The following NSUN6 variants were observed in gnomAD, a reference collection of about 807,000 sequenced individuals.
The protein encoded by NSUN6 is tRNA (cytosine(72)-C(5))-methyltransferase NSUN6.
A neutral mutation model predicts 58.0 loss-of-function variants in NSUN6; 64 were observed. That is an observed-to-expected ratio of 1.10 (90% CI 0.90 to 1.36). NSUN6 has a LOEUF of 1.36. Ranked by LOEUF, NSUN6 falls within the 40% of genes most tolerant of loss-of-function variation. The pLI is 0.00. For missense variants in NSUN6, 701 were observed against 550.1 expected (o/e 1.27, Z -2.74); for synonymous variants, 231 against 193.9 (o/e 1.19, Z -1.59).
intron 6 of NSUN6, among the ~76,000 whole-genome samples, chr10:18,600,994 T>A (rs1341034656): frequency 6.5e-5 from 5 of 77,170 alleles, no homozygotes; most frequent in African/African-American, 2.1e-4. Flanking sequence ...ATATATATAT[T>A]ATATACTAGC....
rs570055216 is a variant in NSUN6, at chr10:18,566,231, C to T, written c.923-14260G>A. Among the ~76,000 whole-genome samples, 32 of 137,618 alleles carry T rather than the reference C, an allele frequency of 2.3e-4. No individual in the cohort carries two copies. In the South Asian group the frequency reaches 5.6e-3, roughly 24 times the overall value. The allele number at this position is 137,618 out of a possible 152,430, so 90.3% of individuals were successfully genotyped here. On this transcript the variant is annotated intron_variant, in intron 8 of 10. Coordinates refer to ENST00000377304, the MANE Select transcript of NSUN6 (RefSeq NM_182543.5). ...TTCCATTCTGTAATCCATTCCATTC[C>T]GCAATCCATTCCATTCCACATTCCA... is the stretch of plus-strand genomic sequence containing the variant.
intron 6 of NSUN6, among the ~76,000 whole-genome samples, chr10:18,608,812 TA>T (rs1564795222): frequency 6.6e-6 from 1 of 151,992 alleles, no homozygotes; most frequent in Non-Finnish European, 1.5e-5. Flanking sequence ...AATTACATAA[TA>T]AACAAGCACA....
At chr10:18,578,138 G>A (rs957083328) in intron 8 of NSUN6, among the ~76,000 whole-genome samples, 4 of 152,006 alleles carry the variant, frequency 2.6e-5, no homozygotes, top group African/African-American at 7.3e-5. Flanking sequence ...ATAACCAGGA[G>A]GTGCCCTGCT....
At chr10:18,628,629 G>T (rs2058914392) in intron 3 of NSUN6, among the ~76,000 whole-genome samples, 2 of 152,216 alleles carry the variant, frequency 1.3e-5, no homozygotes, top group Admixed American at 1.3e-4. Context: ...AGGAGCCAAT[G>T]TGATCAACTG....
intron 3 of NSUN6, among the ~76,000 whole-genome samples, chr10:18,619,163 G>C (rs918456580): frequency 6.6e-6 from 1 of 152,168 alleles, no homozygotes; most frequent in African/African-American, 2.4e-5. Flanking sequence ...CCAAGTGTTT[G>C]GCTTGGACTG....
chr10:18,643,894 A>G (rs1351380273), intron 2 of NSUN6, among the ~76,000 whole-genome samples: 1 of 152,244 alleles, frequency 6.6e-6, no homozygotes, highest in Non-Finnish European at 1.5e-5. Flanking sequence ...GCATGTTAAT[A>G]TATAAATAAA....
chr10:18,635,733 G>A (rs1038123936), intron 3 of NSUN6, among the ~76,000 whole-genome samples: 2 of 151,700 alleles, frequency 1.3e-5, no homozygotes, highest in Non-Finnish European at 2.9e-5. Flanking sequence ...AGCTACTCGG[G>A]AGGCTGAGGC....
rs975226063 is a variant in NSUN6, at chr10:18,651,587, C to G, written c.-384G>C. 2.0e-6 allele frequency: 2 copies of G among 990,658 alleles called. No homozygotes were observed. Among genetic ancestry groups the G allele is most frequent in the South Asian group, 4.7e-5 (1 of 21,434 alleles). The allele number at this position is 990,658 out of a possible 1,614,324, so 61.4% of individuals were successfully genotyped here. ...AGCTCGGTCCCTTTATCTTTTCTAT[C>G]AATTTCCAAACACGCGCCCCCTATT... On this transcript the variant is annotated 5_prime_UTR_variant, in exon 1 of 11. Coordinates refer to ENST00000377304, the MANE Select transcript of NSUN6 (RefSeq NM_182543.5).
intron 8 of NSUN6, among the ~76,000 whole-genome samples, chr10:18,557,655 G>C (rs561436195): frequency 6.6e-6 from 1 of 151,104 alleles, no homozygotes; most frequent in Admixed American, 6.6e-5. Flanking sequence ...GAGCAGAATG[G>C]AATGGAGAAT....
Position 18,551,911 on chromosome 10 carries a change from C to T in NSUN6, c.983G>A (p.Gly328Glu), listed in dbSNP as rs2054628469. Residue 328 changes from glycine (G) to glutamate (E), a missense_variant, in exon 9 of 11, where the codon GGA becomes GAA. Transcript: ENST00000377304. Reference sequence around the variant, plus strand: ...GGCCATGTTTGGTCTCTGTCCCATTCCACTACAGGGTGCATCCAGAAGAAT... The same window carrying T: ...GGCCATGTTTGGTCTCTGTCCCATTTCACTACAGGGTGCATCCAGAAGAAT... ...DRILLDAPCS[G>E]MGQRPNMACT... The T allele has an allele frequency of 3.1e-6, 5 of 1,611,006 alleles. No homozygotes were observed. Among genetic ancestry groups the T allele is most frequent in the Non-Finnish European group, 4.2e-6 (5 of 1,177,394 alleles).
chr10:18,552,279 A>G (rs1052366668), intron 8 of NSUN6, among the ~76,000 whole-genome samples: 2 of 152,102 alleles, frequency 1.3e-5, no homozygotes, highest in Admixed American at 1.3e-4. Flanking sequence ...TAGGACTTGG[A>G]ATTAATTCTA....
intron 8 of NSUN6, among the ~76,000 whole-genome samples, chr10:18,574,332 T>C (rs1041522709): frequency 5.3e-5 from 8 of 152,108 alleles, no homozygotes; most frequent in Non-Finnish European, 1.0e-4. Flanking sequence ...GACTCGAGAA[T>C]CTTAAAGTAT....
intron 8 of NSUN6, among the ~76,000 whole-genome samples, chr10:18,553,794 G>A (rs997848272): frequency 1.3e-5 from 2 of 151,406 alleles, no homozygotes; most frequent in African/African-American, 2.4e-5. Flanking sequence ...AATAGAGAAT[G>A]GAGAATGGAA....
At chr10:18,566,513 T>C (rs62648439) in intron 8 of NSUN6, among the ~76,000 whole-genome samples, 29,213 of 147,450 alleles carry the variant, frequency 0.2, 3,180 homozygotes, top group South Asian at 0.3. Flanking sequence ...TTCTCCATTC[T>C]ATTCCACTCC....
At chr10:18,550,039 C>T (rs762150737) in intron 9 of NSUN6, among the ~76,000 whole-genome samples, 26 of 152,188 alleles carry the variant, frequency 1.7e-4, no homozygotes, top group South Asian at 4.1e-4. Context: ...GGCTCAAGTC[C>T]ACATTCTCGA....
chr10:18,560,359 T>C (rs985665027), intron 8 of NSUN6, among the ~76,000 whole-genome samples: 2 of 148,856 alleles, frequency 1.3e-5, no homozygotes. Context: ...TGTAATGTAA[T>C]GCAGGATGGA....
upstream of NSUN6, among the ~76,000 whole-genome samples, chr10:18,655,666 A>G (rs188589727): frequency 4.3e-4 from 66 of 152,334 alleles, no homozygotes; most frequent in Non-Finnish European, 8.4e-4. Context: ...AAGAGGGGCA[A>G]AGCTGTTTCC....
At chr10:18,618,778 T>C (rs2058502475) in intron 3 of NSUN6, among the ~76,000 whole-genome samples, 1 of 151,918 alleles carries the variant, frequency 6.6e-6, no homozygotes, top group South Asian at 2.1e-4. Context: ...CTAGATAATT[T>C]CCTAAGAGTC....
chr10:18,650,978 G>C (rs959809456), intron 1 of NSUN6, 151 bp downstream of exon 1: 4 of 831,562 alleles, frequency 4.8e-6, no homozygotes, highest in Non-Finnish European at 7.2e-6. Flanking sequence ...TTTAATACCT[G>C]TAGAAACATA....
Sources: allele counts gnomAD v4.1 joint callset (sites outside exome capture counted in the v4.1 genomes callset), GRCh38; gene constraint gnomAD v4.1.1; transcripts MANE v1.5; gene names NCBI Gene and HGNC (gene_info 2026-07-23, HGNC 2026-07-21).